Variants in ZAR1L observed in about 807,000 individuals in gnomAD.
ZAR1L encodes the protein zygote arrest 1 like, also known as protein ZAR1-like.
Under a neutral mutation model 30.0 loss-of-function variants are expected in ZAR1L, and 16 were observed. The ratio of observed to expected loss-of-function variants is 0.53; its 90% confidence interval spans 0.36 to 0.81. ZAR1L has a LOEUF of 0.81. Ranked by LOEUF, ZAR1L falls within the 30% of genes least tolerant of loss-of-function variation. The probability of loss-of-function intolerance (pLI) is 0.00; values close to 1 mark genes in which losing one functional copy is unlikely to be tolerated. For missense variants in ZAR1L, 392 were observed against 417.2 expected (o/e 0.94, Z 0.53); for synonymous variants, 197 against 166.8 (o/e 1.18, Z -1.40).
At chr13:32,310,171 C>G (rs896894312) in intron 4 of ZAR1L, among the ~76,000 whole-genome samples, 8 of 152,386 alleles carry the variant, frequency 5.2e-5, no homozygotes, top group African/African-American at 1.7e-4. Flanking sequence ...TAATGTGAAG[C>G]CTTTTCCAGT....
chr13:32,308,991 C>CGTTTTTTTTTTTTT (rs1284562378), intron 4 of ZAR1L, among the ~76,000 whole-genome samples: 1 of 124,426 alleles, frequency 8.0e-6, no homozygotes. Flanking sequence ...AATTGGAATA[C>CGTTTTTTTTTTTTT]ATTTTTTTTT....
Position 32,304,014 on chromosome 13 carries a change from T to C in ZAR1L, c.831A>G (p.Ser277=). The C allele has an allele frequency of 6.4e-7, 1 of 1,551,434 alleles. No individual in the cohort carries two copies. The highest frequency in any genetic ancestry group is 8.7e-7 in the Non-Finnish European group (1 of 1,146,860). Residue 277 remains serine (S), a synonymous_variant, in exon 6 of 6, where the codon TCA becomes TCG. Coordinates refer to ENST00000533490, the MANE Select transcript of ZAR1L (RefSeq NM_001136571.2). ...TTTGAGGACAGGAACAATGAGACTT[T>C]GAGCAGGTCTTTAGGAAACAAAGAA... ...RVEAIQCQTC[S]KSHCSCPQKK...
intron 5 of ZAR1L, among the ~76,000 whole-genome samples, chr13:32,304,958 C>T (rs1052296296): frequency 3.3e-5 from 5 of 151,814 alleles, no homozygotes; most frequent in African/African-American, 9.7e-5. Context: ...TACAGGCAAT[C>T]GCCACTATGC....
Position 32,311,769 on chromosome 13 carries a change from C to T in ZAR1L, c.157G>A (p.Ala53Thr). Residue 53 changes from alanine to threonine, a missense_variant, in exon 3 of 6, where the codon GCG (alanine) becomes ACG (threonine). Ala to Thr is a moderately conservative substitution (Grantham distance 58). Transcript: ENST00000533490. ...TCAATGCAGTAGTCAGGGGCGTTCG[C>T]GGGCACCAGCAGCCCTGGCCTGGCC... Reference protein sequence around the residue: ...FLARPGLLVPANAPDYCIDPY... With the variant: ...FLARPGLLVPTNAPDYCIDPY... 3 of 1,551,658 alleles carry T rather than the reference C, an allele frequency of 1.9e-6. No individual in the cohort carries two copies. Among genetic ancestry groups the T allele is most frequent in the South Asian group, 1.2e-5 (1 of 84,064 alleles).
At chr13:32,307,526 A>G (rs2072184750) in intron 5 of ZAR1L, among the ~76,000 whole-genome samples, 1 of 134,426 alleles carries the variant, frequency 7.4e-6, no homozygotes, top group Admixed American at 7.6e-5. Flanking sequence ...AAAAAAAAAA[A>G]GGCAAGATTA....
chr13:32,303,732 C>T lies in ZAR1L; in HGVS notation c.*147G>A. On this transcript the variant is annotated 3_prime_UTR_variant, in exon 6 of 6. Transcript: ENST00000533490. Reference sequence around the variant, plus strand: ...ACATGCATTTATTTTATTCTATTCACATTGTACAATTGTTACACAATCTAC... The same window carrying T: ...ACATGCATTTATTTTATTCTATTCATATTGTACAATTGTTACACAATCTAC... The T allele has an allele frequency of 1.4e-6, 1 of 724,452 alleles. No homozygotes were observed. The highest frequency in any genetic ancestry group is 2.2e-6 in the Non-Finnish European group (1 of 458,708). The allele number at this position is 724,452 out of a possible 1,614,324, so 44.9% of individuals were successfully genotyped here. A position where few individuals can be genotyped will look rare whatever the true frequency, so the allele number is the denominator to read the frequency against.
At chr13:32,304,748 C>T (rs1182118665) in intron 5 of ZAR1L, among the ~76,000 whole-genome samples, 1 of 152,070 alleles carries the variant, frequency 6.6e-6, no homozygotes, top group Non-Finnish European at 1.5e-5. Flanking sequence ...TTCCATCCCC[C>T]CAACCCTGCC....
chr13:32,305,171 A>T (rs1190318772), intron 5 of ZAR1L, among the ~76,000 whole-genome samples: 1 of 152,118 alleles, frequency 6.6e-6, no homozygotes, highest in Non-Finnish European at 1.5e-5. Flanking sequence ...GCAGTCTTAA[A>T]CATTATTTAA....
At chr13:32,313,450 T>C (rs1440268639) in intron 2 of ZAR1L, among the ~76,000 whole-genome samples, 13 of 152,372 alleles carry the variant, frequency 8.5e-5, no homozygotes, top group Non-Finnish European at 4.4e-5. Flanking sequence ...CACTGCAACT[T>C]CCGCCTCTGG....
At chr13:32,308,970 C>T (rs551324231) in intron 4 of ZAR1L, among the ~76,000 whole-genome samples, 2 of 149,124 alleles carry the variant, frequency 1.3e-5, no homozygotes, top group East Asian at 3.9e-4. Context: ...TCTAATTTTC[C>T]TTACCCATAA....
At chr13:32,306,769 A>G (rs1047833228) in intron 5 of ZAR1L, among the ~76,000 whole-genome samples, 5 of 152,006 alleles carry the variant, frequency 3.3e-5, no homozygotes, top group Admixed American at 2.6e-4. Context: ...TGTCTATACT[A>G]AAAATACAAA....
intron 2 of ZAR1L, among the ~76,000 whole-genome samples, chr13:32,313,779 A>G (rs1484718957): frequency 6.6e-6 from 1 of 152,234 alleles, no homozygotes; most frequent in African/African-American, 2.4e-5. Context: ...GGTGGAGCTA[A>G]TAAGTTGCAA....
At chr13:32,310,769 AGGGG>A in intron 3 of ZAR1L, 38 bp from the exon 4 acceptor site, 1 of 1,353,486 alleles carries the variant, frequency 7.4e-7, no homozygotes, top group Admixed American at 2.0e-5. Context: ...CCATCATGCA[AGGGG>A]AAAAAAGCCA....
chr13:32,307,446 C>T (rs2072183770), intron 5 of ZAR1L, among the ~76,000 whole-genome samples: 1 of 124,332 alleles, frequency 8.0e-6, no homozygotes, highest in South Asian at 2.6e-4. Context: ...TTGTAGTGAA[C>T]CAAGATTGCA....
At chr13:32,314,883 C>T (rs953777155) in intron 1 of ZAR1L, among the ~76,000 whole-genome samples, 1 of 152,104 alleles carries the variant, frequency 6.6e-6, no homozygotes, top group Non-Finnish European at 1.5e-5. Flanking sequence ...CTACCAAGCC[C>T]TGCGGAGCAA....
intron 5 of ZAR1L, among the ~76,000 whole-genome samples, chr13:32,308,101 T>C (rs206100): frequency 0.38 from 57,344 of 152,146 alleles, 11,012 homozygotes; most frequent in East Asian, 0.49. Flanking sequence ...ATGCCTGGCC[T>C]ATTTATTTCT....
Position 32,314,783 on chromosome 13 carries a change from C to A in ZAR1L, c.-389-233G>T, listed in dbSNP as rs574423740. 1.9e-3 allele frequency among the ~76,000 whole-genome samples: 282 copies of A among 152,170 alleles called. 1 individual carries two copies. In the Middle Eastern group the frequency reaches 0.02, roughly 11 times the overall value. ...AGGAGAACCACTTGATCCCTGGAGG[C>A]GGAAGTTGCGGTGAGCGGAGATTGC... On this transcript the variant is annotated intron_variant, in intron 1 of 5. Transcript: ENST00000533490.
intron 5 of ZAR1L, among the ~76,000 whole-genome samples, chr13:32,306,906 G>A (rs1350821698): frequency 8.3e-6 from 1 of 120,926 alleles, no homozygotes; most frequent in Non-Finnish European, 1.6e-5. Context: ...ACTCCAGCCT[G>A]GGCAATGGAG....
In ZAR1L at chr13:32,304,984, A is replaced by G. The variant is rs138483483; in HGVS notation, c.823-962T>C. On this transcript the variant is annotated intron_variant, in intron 5 of 5. Coordinates refer to ENST00000533490, the MANE Select transcript of ZAR1L (RefSeq NM_001136571.2). ...GCCACTATGCCCAGCTAATTTTTGT[A>G]TTTTTTAGTAGAGATGGGGTTTCAC... is the stretch of plus-strand genomic sequence containing the variant. 5.3e-3 allele frequency among the ~76,000 whole-genome samples: 810 copies of G among 151,450 alleles called. 9 individuals carry two copies. The highest frequency in any genetic ancestry group is 0.019 in the African/African-American group (772 of 41,282).
Sources: gnomAD v4.1 joint callset for allele counts (sites outside exome capture counted in the v4.1 genomes callset) on GRCh38, gnomAD v4.1.1 for gene constraint, MANE v1.5 for transcripts, NCBI Gene and HGNC (gene_info 2026-07-23, HGNC 2026-07-21) for gene names.